Variants in FGGY observed in about 807,000 individuals in gnomAD.
FGGY encodes the protein FGGY carbohydrate kinase domain-containing protein.
Under a neutral mutation model 71.3 loss-of-function variants are expected in FGGY, and 72 were observed. The observed-to-expected ratio is 1.01, with a 90% confidence interval of 0.84 to 1.23. The LOEUF is 1.23. Ranked by LOEUF, FGGY falls within the 50% of genes most tolerant of loss-of-function variation. FGGY has a pLI of 0.00. For synonymous variants in FGGY, 251 were observed against 250.3 expected (o/e 1.00, Z -0.02); for missense variants, 668 against 682.3 (o/e 0.98, Z 0.23).
At chr1:59,551,525 ATC>A (rs1245188763) in intron 7 of FGGY, among the ~76,000 whole-genome samples, 1 of 152,162 alleles carries the variant, frequency 6.6e-6, no homozygotes, top group African/African-American at 2.4e-5. Flanking sequence ...TCTGTCAAGG[ATC>A]TCAGAATCAA....
rs149585029 is a variant in FGGY, at chr1:59,743,555, G to C, written c.1513-14376G>C. ...GAAGCAACTTATTCAAAACAACAGA[G>C]CCCAGGCTAAGATTAATACAGGGCT... On this transcript the variant is annotated intron_variant, in intron 14 of 15. Coordinates refer to ENST00000303721, the MANE Select transcript of FGGY (RefSeq NM_018291.5). Among the ~76,000 whole-genome samples the C allele has an allele frequency of 1.3e-3, 204 of 151,480 alleles. 2 individuals carry two copies. Among genetic ancestry groups the C allele is most frequent in the Admixed American group, 0.012 (190 of 15,222 alleles).
At chr1:59,409,043 TC>T (rs1361479489) in intron 5 of FGGY, among the ~76,000 whole-genome samples, 1 of 152,150 alleles carries the variant, frequency 6.6e-6, no homozygotes, top group African/African-American at 2.4e-5. Context: ...ATCTCCATCC[TC>T]CCCCATCTCA....
intron 7 of FGGY, among the ~76,000 whole-genome samples, chr1:59,543,305 G>A (rs977322632): frequency 1.3e-5 from 2 of 152,184 alleles, no homozygotes; most frequent in African/African-American, 4.8e-5. Context: ...TTATCCGGTG[G>A]TGTGGGTCAC....
At chr1:59,366,028 T>A (rs2056523024) in intron 4 of FGGY, among the ~76,000 whole-genome samples, 1 of 152,224 alleles carries the variant, frequency 6.6e-6, no homozygotes. Context: ...CTTGTTTTCC[T>A]AATACGTACA....
intron 4 of FGGY, among the ~76,000 whole-genome samples, chr1:59,361,562 G>A (rs779993951): frequency 9.9e-5 from 15 of 152,202 alleles, no homozygotes; most frequent in Non-Finnish European, 1.9e-4. Context: ...ACTGCAAGAA[G>A]CTCTGTGAAT....
intron 7 of FGGY, among the ~76,000 whole-genome samples, chr1:59,544,044 C>T (rs2095485500): frequency 6.6e-6 from 1 of 152,190 alleles, no homozygotes; most frequent in African/African-American, 2.4e-5. Flanking sequence ...CCAAGATAAG[C>T]TGGGGGGTTT....
intron 14 of FGGY, among the ~76,000 whole-genome samples, chr1:59,747,737 C>T (rs921858841): frequency 6.6e-6 from 1 of 152,136 alleles, no homozygotes; most frequent in Non-Finnish European, 1.5e-5. Context: ...TCAGTGAATC[C>T]ACCTTCCTGC....
At chr1:59,353,744 A>G (rs2053739783) in intron 4 of FGGY, among the ~76,000 whole-genome samples, 1 of 152,204 alleles carries the variant, frequency 6.6e-6, no homozygotes, top group African/African-American at 2.4e-5. Context: ...CTGAAGCTCA[A>G]AAAAGTTAAA....
intron 8 of FGGY, among the ~76,000 whole-genome samples, chr1:59,565,549 G>A (rs1342318580): frequency 6.6e-6 from 1 of 152,196 alleles, no homozygotes. Context: ...CTCCCAAAGT[G>A]CTGGGATTAC....
chr1:59,426,468 C>T (rs1273985466), intron 5 of FGGY, among the ~76,000 whole-genome samples: 1 of 152,164 alleles, frequency 6.6e-6, no homozygotes, highest in Non-Finnish European at 1.5e-5. Flanking sequence ...AACATTATTT[C>T]ACCCTCAAAA....
chr1:59,517,291 A>T, intron 7 of FGGY, among the ~76,000 whole-genome samples: 1 of 97,264 alleles, frequency 1.0e-5, no homozygotes, highest in Admixed American at 1.7e-4. Flanking sequence ...TTTGAGACGG[A>T]GTCTCGCTCT....
intron 3 of FGGY, among the ~76,000 whole-genome samples, chr1:59,345,231 T>G (rs1283796659): frequency 6.6e-6 from 1 of 152,210 alleles, no homozygotes; most frequent in Non-Finnish European, 1.5e-5. Flanking sequence ...ACTTTGCCAT[T>G]AAATAAAATA....
At chr1:59,654,800 A>G (rs1299759412) in intron 11 of FGGY, among the ~76,000 whole-genome samples, 1 of 152,184 alleles carries the variant, frequency 6.6e-6, no homozygotes, top group African/African-American at 2.4e-5. Flanking sequence ...CTCGACTAGG[A>G]TCCCAGGAAA....
intron 6 of FGGY, 86 bp from the exon 7 acceptor site, chr1:59,512,225 G>A (rs1417527004): frequency 1.4e-5 from 19 of 1,401,162 alleles, no homozygotes; most frequent in South Asian, 6.0e-5. Context: ...GGAGGAGAGA[G>A]CAAAGAGTTT....
At chr1:59,708,073 C>T (rs2154024729) in intron 14 of FGGY, among the ~76,000 whole-genome samples, 1 of 152,240 alleles carries the variant, frequency 6.6e-6, no homozygotes, top group East Asian at 1.9e-4. Flanking sequence ...GAGATGAAAT[C>T]CAGGGCCTCC....
chr1:59,640,918 C>T (rs1422369745), intron 11 of FGGY, among the ~76,000 whole-genome samples: 1 of 150,898 alleles, frequency 6.6e-6, no homozygotes, highest in Non-Finnish European at 1.5e-5. Flanking sequence ...AATCCCAGCC[C>T]TCAGGAATAT....
chr1:59,397,238 G>A (rs911134659), intron 5 of FGGY, among the ~76,000 whole-genome samples: 1 of 152,132 alleles, frequency 6.6e-6, no homozygotes, highest in African/African-American at 2.4e-5. Flanking sequence ...TGATATTTGA[G>A]TCTGCAGGAA....
chr1:59,555,521 C>T (rs1436702738), intron 8 of FGGY, among the ~76,000 whole-genome samples: 1 of 152,202 alleles, frequency 6.6e-6, no homozygotes, highest in Non-Finnish European at 1.5e-5. Flanking sequence ...CACAAGGGCT[C>T]ACTCTTAATC....
intron 5 of FGGY, among the ~76,000 whole-genome samples, chr1:59,380,735 TGTA>T: frequency 6.6e-6 from 1 of 151,650 alleles, no homozygotes; most frequent in East Asian, 1.9e-4. Context: ...TCTCCCATTC[TGTA>T]AGTTGCCTGT....
Sources: allele counts gnomAD v4.1 joint callset (sites outside exome capture counted in the v4.1 genomes callset), GRCh38; gene constraint gnomAD v4.1.1; transcripts MANE v1.5; gene names NCBI Gene and HGNC (gene_info 2026-07-23, HGNC 2026-07-21).